ADGRL2: variants seen among roughly 807,000 people sequenced by gnomAD.
ADGRL2 encodes calcium-independent alpha-latrotoxin receptor 2.
Under a neutral mutation model 157.4 loss-of-function variants are expected in ADGRL2, and 44 were observed. That is an observed-to-expected ratio of 0.28 (90% CI 0.22 to 0.36). The LOEUF (loss-of-function observed/expected upper bound fraction) is 0.36. Among genes scored for constraint, ADGRL2 ranks in the 10% least tolerant of loss-of-function variants. The pLI is 1.00. For synonymous variants in ADGRL2, 585 were observed against 624.7 expected (o/e 0.94, Z 0.95); for missense variants, 1,510 against 1,768.9 (o/e 0.85, Z 2.63).
intron 1 of ADGRL2, among the ~76,000 whole-genome samples, chr1:81,732,934 A>G (rs2084774023): frequency 6.6e-6 from 1 of 152,198 alleles, no homozygotes; most frequent in Non-Finnish European, 1.5e-5. Flanking sequence ...ATTTTGAAGA[A>G]ATTTCAAATA....
At chr1:81,831,509 T>A (rs959712823) in intron 1 of ADGRL2, among the ~76,000 whole-genome samples, 1 of 152,154 alleles carries the variant, frequency 6.6e-6, no homozygotes, top group Admixed American at 6.5e-5. Context: ...TTATCTGGTC[T>A]ACATAATTAG....
At chr1:81,736,059 C>T (rs1362685045) in intron 1 of ADGRL2, among the ~76,000 whole-genome samples, 2 of 148,240 alleles carry the variant, frequency 1.3e-5, no homozygotes, top group East Asian at 2.0e-4. Context: ...AGGAGAATGG[C>T]ATGAATCCAA....
At chr1:81,320,444 T>A (rs1570608916) in intron 1 of ADGRL2, among the ~76,000 whole-genome samples, 1 of 152,322 alleles carries the variant, frequency 6.6e-6, no homozygotes, top group East Asian at 1.9e-4. Context: ...TCAGACTCCC[T>A]CAGAAGAATC....
intron 2 of ADGRL2, among the ~76,000 whole-genome samples, chr1:81,545,686 T>C (rs1211607798): frequency 6.6e-6 from 1 of 152,164 alleles, no homozygotes; most frequent in East Asian, 1.9e-4. Context: ...GTTATCCCCA[T>C]TATATAGAAC....
chr1:81,714,860 T>C (rs2084057192), intron 1 of ADGRL2, among the ~76,000 whole-genome samples: 1 of 151,894 alleles, frequency 6.6e-6, no homozygotes, highest in Admixed American at 6.6e-5. Flanking sequence ...TGTTTTTTTT[T>C]TTCCTTTTCT....
At chr1:81,650,677 A>T (rs1194457019) in intron 3 of ADGRL2, among the ~76,000 whole-genome samples, 2 of 152,160 alleles carry the variant, frequency 1.3e-5, no homozygotes, top group Admixed American at 1.3e-4. Context: ...TAGTAGCAAG[A>T]TGTATTCAGA....
intron 6 of ADGRL2, among the ~76,000 whole-genome samples, chr1:81,949,487 A>G (rs1047817396): frequency 2.6e-5 from 4 of 152,240 alleles, no homozygotes; most frequent in African/African-American, 9.6e-5. Flanking sequence ...ATTAGGCATG[A>G]TTTGATCTGA....
intron 2 of ADGRL2, among the ~76,000 whole-genome samples, chr1:81,862,643 A>AT (rs1480257128): frequency 1.3e-5 from 2 of 152,190 alleles, no homozygotes; most frequent in African/African-American, 4.8e-5. Context: ...TGAGTAAGCC[A>AT]TTTTTTTGTT....
At chr1:81,805,239 T>G (rs2088940837) in intron 1 of ADGRL2, among the ~76,000 whole-genome samples, 1 of 152,122 alleles carries the variant, frequency 6.6e-6, no homozygotes, top group Non-Finnish European at 1.5e-5. Context: ...GAACAAGTGC[T>G]TGGGTCATTT....
chr1:81,943,152 A>T lies in ADGRL2; in HGVS notation c.593A>T (p.Asn198Ile), dbSNP rs1026922526. The T allele has an allele frequency of 6.2e-7, 1 of 1,613,578 alleles. No individual in the cohort carries two copies. The highest frequency in any genetic ancestry group is 2.2e-5 in the East Asian group (1 of 44,866). The change falls in exon 6 of 24, where the codon AAT (asparagine) becomes ATT (isoleucine). Residue 198 changes from asparagine (N) to isoleucine (I), a missense_variant. By Grantham distance (149) the Asn-to-Ile change is moderately radical (BLOSUM62 -3). Around this residue, in one of 4 missense-constraint regions of ADGRL2, gnomAD observed 361 missense variants for 498.4 expected, o/e 0.72. Coordinates refer to ENST00000686636, the MANE Select transcript of ADGRL2 (RefSeq NM_001366006.2). This position sits in a 1 kb window ranked among gnomAD's most constrained non-coding sequence, Gnocchi z 5.6. ...TATGCTTCTTTAGAAGATTTCCAAAATAGTCGCCAAACAACAACATATAAA... is the reference window on the plus strand; with the variant it reads ...TATGCTTCTTTAGAAGATTTCCAAATTAGTCGCCAAACAACAACATATAAA... ...IEYASLEDFQ[N>I]SRQTTTYKLP...
At chr1:81,606,745 CGTGTGT>C (rs56718232) in intron 3 of ADGRL2, among the ~76,000 whole-genome samples, 50,208 of 146,774 alleles carry the variant, frequency 0.34, 8,468 homozygotes, top group South Asian at 0.38. Context: ...AGAGGATCAA[CGTGTGT>C]GTGTGTGTGT....
At chr1:81,382,341 G>C (rs1371186973) in intron 1 of ADGRL2, among the ~76,000 whole-genome samples, 1 of 151,980 alleles carries the variant, frequency 6.6e-6, no homozygotes. Flanking sequence ...TTATTATTGA[G>C]ACTACTATTG....
chr1:81,829,377 A>G (rs1468018963), intron 1 of ADGRL2, among the ~76,000 whole-genome samples: 1 of 152,182 alleles, frequency 6.6e-6, no homozygotes, highest in East Asian at 1.9e-4. Context: ...ACTCAAGAAA[A>G]TCCTTTTGTT....
At position 81,729,584 on chromosome 1, in the gene ADGRL2, C is replaced by G. The variant is rs573098484; in HGVS notation, c.-143+29776C>G. Reference sequence around the variant, plus strand: ...ATGTACATATTTTTTCCATCTTTTTCATTTTCTTTGCATTTCATAATTTTA... The same window carrying G: ...ATGTACATATTTTTTCCATCTTTTTGATTTTCTTTGCATTTCATAATTTTA... On this transcript the variant is annotated intron_variant, in intron 1 of 20. Coordinates refer to the ADGRL2 transcript ENST00000359929. Among the ~76,000 whole-genome samples the G allele has an allele frequency of 3.9e-5, 6 of 152,190 alleles. No homozygotes were observed. The South Asian group carries it at 1.0e-3, about 26-fold the overall frequency.
chr1:81,926,519 G>C (rs534236622), intron 3 of ADGRL2, among the ~76,000 whole-genome samples: 44 of 152,060 alleles, frequency 2.9e-4, no homozygotes, highest in Non-Finnish European at 5.2e-4. Context: ...TGTTAAAAAT[G>C]TGATAGTTTC....
intron 3 of ADGRL2, among the ~76,000 whole-genome samples, chr1:81,596,796 G>A (rs889428189): frequency 6.6e-6 from 1 of 151,914 alleles, no homozygotes; most frequent in African/African-American, 2.4e-5. Context: ...GCTTTTGAGA[G>A]GTAACACACA....
At chr1:81,975,287 C>G (rs1374172793) in intron 17 of ADGRL2, among the ~76,000 whole-genome samples, 1 of 152,112 alleles carries the variant, frequency 6.6e-6, no homozygotes, top group Non-Finnish European at 1.5e-5. Context: ...CAAGTTTAGA[C>G]AAATGTTTGT....
intron 2 of ADGRL2, among the ~76,000 whole-genome samples, chr1:81,558,947 TG>T (rs2080377640): frequency 6.6e-6 from 1 of 152,170 alleles, no homozygotes; most frequent in African/African-American, 2.4e-5. Context: ...GAATTGTGCC[TG>T]GTCTGGGTCA....
intron 4 of ADGRL2, among the ~76,000 whole-genome samples, chr1:81,940,678 TA>T (rs1647588354): frequency 6.6e-6 from 1 of 151,578 alleles, no homozygotes; most frequent in African/African-American, 2.4e-5. Flanking sequence ...ACTAAGATCT[TA>T]ATAAAATGTG....
Sources: gnomAD v4.1 joint callset for allele counts (sites outside exome capture counted in the v4.1 genomes callset) on GRCh38, gnomAD v4.1.1 for gene constraint, gnomAD v4.1.1 regional missense constraint, Gnocchi (gnomAD v3.1) non-coding constraint, MANE v1.5 for transcripts, NCBI Gene and HGNC (gene_info 2026-07-23, HGNC 2026-07-21) for gene names.